FAM184B: variants seen among roughly 807,000 people sequenced by gnomAD.
FAM184B encodes the protein protein FAM184B.
A neutral mutation model predicts 135.9 loss-of-function variants in FAM184B; 111 were observed. The ratio of observed to expected loss-of-function variants is 0.82; its 90% CI spans 0.70 to 0.96. The LOEUF (loss-of-function observed/expected upper bound fraction) is 0.96. Ranked by LOEUF, FAM184B falls within the 40% of genes least tolerant of loss-of-function variation. The pLI is 0.00. For synonymous variants in FAM184B, 552 were observed against 524.8 expected (o/e 1.05, Z -0.71); for missense variants, 1,375 against 1,323.9 (o/e 1.04, Z -0.60).
chr4:17,741,761 G>A (rs1274468434), intron 1 of FAM184B, among the ~76,000 whole-genome samples: 2 of 152,086 alleles, frequency 1.3e-5, no homozygotes, highest in Admixed American at 1.3e-4. Flanking sequence ...TAAACCCGGA[G>A]GACACTCTCC....
In FAM184B at chr4:17,777,913, C is replaced by T. The variant is rs150862763; in HGVS notation, c.141+3246G>A. On this transcript the variant is annotated intron_variant, in intron 1 of 17. Transcript: ENST00000265018. ...AGGAGTCTGAGATCAGCCTGGGCAA[C>T]ATAGTGAGACCCTGTCTCTACAAAA... Among the ~76,000 whole-genome samples, 425 of 152,206 alleles carry T rather than the reference C, an allele frequency of 2.8e-3. 3 individuals carry two copies. Among genetic ancestry groups the T allele is most frequent in the African/African-American group, 9.2e-3 (381 of 41,536 alleles).
intron 8 of FAM184B, among the ~76,000 whole-genome samples, chr4:17,661,360 G>A (rs535848364): frequency 6.6e-6 from 1 of 152,230 alleles, no homozygotes; most frequent in African/African-American, 2.4e-5. Context: ...AGACCAGCCT[G>A]GCCAACATGG....
chr4:17,691,077 A>G (rs1716721142), intron 6 of FAM184B, among the ~76,000 whole-genome samples: 1 of 152,170 alleles, frequency 6.6e-6, no homozygotes, highest in Non-Finnish European at 1.5e-5. Context: ...GTAAACATTC[A>G]GGTTCTGAGT....
intron 16 of FAM184B, 125 bp downstream of exon 16, chr4:17,634,884 G>GTTTTTTT: frequency 1.9e-6 from 1 of 521,720 alleles, no homozygotes; most frequent in Non-Finnish European, 3.3e-6. Flanking sequence ...AAACAAGTGG[G>GTTTTTTT]TTTTTTTTTT....
intron 1 of FAM184B, among the ~76,000 whole-genome samples, chr4:17,715,238 G>A (rs185771739): frequency 1.1e-4 from 16 of 152,170 alleles, no homozygotes; most frequent in African/African-American, 3.6e-4. Flanking sequence ...ACTTTGGGAC[G>A]CCAAAGTGGG....
At chr4:17,640,334 A>T (rs1326998907) in intron 13 of FAM184B, among the ~76,000 whole-genome samples, 1 of 122,394 alleles carries the variant, frequency 8.2e-6, no homozygotes, top group Non-Finnish European at 1.8e-5. Context: ...AAAAAAAAAA[A>T]TTAGCTGGGC....
chr4:17,697,150 T>C (rs1014806980), intron 5 of FAM184B, among the ~76,000 whole-genome samples: 5 of 152,042 alleles, frequency 3.3e-5, no homozygotes, highest in African/African-American at 9.7e-5. Context: ...ATGGTACCAC[T>C]GAGGAGAGAG....
At chr4:17,682,459 A>C (rs144904932) in intron 7 of FAM184B, among the ~76,000 whole-genome samples, 4 of 151,214 alleles carry the variant, frequency 2.6e-5, no homozygotes, top group South Asian at 2.1e-4. Flanking sequence ...TATTATTTTT[A>C]TCTCTCTCTC....
chr4:17,659,854 T>C, intron 9 of FAM184B, 104 bp downstream of exon 9: 1 of 1,434,664 alleles, frequency 7.0e-7, no homozygotes, highest in Non-Finnish European at 9.4e-7. Context: ...TGTAATGCCT[T>C]CCCAGCTTGG....
rs1714874258 is a variant in FAM184B at position 17,629,905 on chromosome 4, CTTAAGT to C, written c.*2621_*2626del. On this transcript the variant is annotated 3_prime_UTR_variant, in exon 18 of 18. Coordinates refer to ENST00000265018, the MANE Select transcript of FAM184B (RefSeq NM_015688.2). Reference sequence around the variant, plus strand: ...CAGTTTGGTAATAACAAACAAAAAGCTTAAGTTTGTGTCCTTAAATGCCTTACTTCA... The same window carrying C: ...CAGTTTGGTAATAACAAACAAAAAGCTTGTGTCCTTAAATGCCTTACTTCA... 6.6e-6 allele frequency: 1 copy of C among 152,150 alleles called. No individual in the cohort carries two copies. The highest frequency in any genetic ancestry group is 1.5e-5 in the Non-Finnish European group (1 of 68,010). The allele number at this position is 152,150 out of a possible 1,614,324, so 9.4% of individuals were successfully genotyped here. A position where few individuals can be genotyped will look rare whatever the true frequency, so the allele number is the denominator to read the frequency against.
chr4:17,643,998 A>AGCCAGAGGGGGCCACTGTGT (rs1201828750), intron 12 of FAM184B, among the ~76,000 whole-genome samples: 1 of 152,218 alleles, frequency 6.6e-6, no homozygotes, highest in Non-Finnish European at 1.5e-5. Context: ...AGGATCTCAG[A>AGCCAGAGGGGGCCACTGTGT]GCCAGAGGGG....
chr4:17,685,822 C>T (rs1231506439), intron 7 of FAM184B, among the ~76,000 whole-genome samples: 1 of 152,118 alleles, frequency 6.6e-6, no homozygotes, highest in African/African-American at 2.4e-5. Context: ...AAAGAATTAT[C>T]CAACCCCAGA....
chr4:17,763,518 G>A (rs1171997282), intron 1 of FAM184B, among the ~76,000 whole-genome samples: 1 of 152,062 alleles, frequency 6.6e-6, no homozygotes, highest in Non-Finnish European at 1.5e-5. Flanking sequence ...AATAGGCCCC[G>A]CTCCAGGGGT....
At chr4:17,686,859 T>G (rs1178597776) in intron 7 of FAM184B, among the ~76,000 whole-genome samples, 1 of 152,184 alleles carries the variant, frequency 6.6e-6, no homozygotes, top group Admixed American at 6.5e-5. Context: ...GGAGGATCAC[T>G]TAAGGCCAGG....
chr4:17,637,130 G>A (rs1188603371), intron 14 of FAM184B, among the ~76,000 whole-genome samples: 1 of 152,090 alleles, frequency 6.6e-6, no homozygotes, highest in African/African-American at 2.4e-5. Flanking sequence ...TGGTTCAAGC[G>A]ATTCTTGTGC....
chr4:17,692,181 G>A (rs1387870156), intron 6 of FAM184B, among the ~76,000 whole-genome samples: 2 of 152,158 alleles, frequency 1.3e-5, no homozygotes, highest in African/African-American at 4.8e-5. Flanking sequence ...GAGAGGAAGA[G>A]ATGGAGGGAG....
intron 1 of FAM184B, among the ~76,000 whole-genome samples, chr4:17,721,207 C>A (rs1049284193): frequency 2.0e-5 from 3 of 151,520 alleles, no homozygotes; most frequent in Non-Finnish European, 2.9e-5. Flanking sequence ...CACAGTGAAA[C>A]CCCATCTCTA....
chr4:17,642,568 T>TTCAGTGAAGTGATACTGCC lies in FAM184B; in HGVS notation c.2347-359_2347-341dup, dbSNP rs554435183. Among the ~76,000 whole-genome samples, 13 of 152,242 alleles carry TTCAGTGAAGTGATACTGCC rather than the reference T, an allele frequency of 8.5e-5. No homozygotes were observed. In the South Asian group the frequency reaches 2.7e-3, roughly 32 times the overall value. ...AGTCTTCCCTCCGTGAAGTTAAGTG[T>TTCAGTGAAGTGATACTGCC]TCAGTGAAGTGATACTGCCTCAGTG... is the stretch of plus-strand genomic sequence containing the variant. On this transcript the variant is annotated intron_variant, in intron 12 of 17. Transcript: ENST00000265018.
rs117983614 is a variant in FAM184B at position 17,702,318 on chromosome 4, C to T, written c.1377+2682G>A. ...GAGGTGCTGAATACATCATCTGCAC[C>T]CCTTCCCTAGGAGTCAGTGTATGCA... On this transcript the variant is annotated intron_variant, in intron 5 of 17. Coordinates refer to ENST00000265018, the MANE Select transcript of FAM184B (RefSeq NM_015688.2). Among the ~76,000 whole-genome samples, 382 of 152,214 alleles carry T rather than the reference C, an allele frequency of 2.5e-3. 6 individuals are homozygous for T. The East Asian group carries it at 0.048, about 19-fold the overall frequency.
Sources: allele counts gnomAD v4.1 joint callset (sites outside exome capture counted in the v4.1 genomes callset), GRCh38; gene constraint gnomAD v4.1.1; transcripts MANE v1.5; gene names NCBI Gene and HGNC (gene_info 2026-07-23, HGNC 2026-07-21).